TTI2: variants seen among roughly 807,000 people sequenced by gnomAD.
TTI2 encodes the protein TELO2 interacting protein 2, also known as TELO2-interacting protein 2.
In TTI2, 26 loss-of-function variants were observed where a neutral mutation model predicts 44.9. That is an observed-to-expected ratio of 0.58 (90% CI 0.42 to 0.80). The LOEUF (loss-of-function observed/expected upper bound fraction) is 0.80. Ranked by LOEUF, TTI2 falls within the 30% of genes least tolerant of loss-of-function variation. TTI2 has a pLI of 0.00. For synonymous variants in TTI2, 254 were observed against 250.9 expected (o/e 1.01, Z -0.12); for missense variants, 582 against 611.6 (o/e 0.95, Z 0.51).
At chr8:33,507,028 A>G (rs566031558) in intron 4 of TTI2, among the ~76,000 whole-genome samples, 1 of 152,304 alleles carries the variant, frequency 6.6e-6, no homozygotes, top group South Asian at 2.1e-4. Flanking sequence ...GATGAATAAA[A>G]AACACTGTCT....
At chr8:33,504,740 T>C (rs1346348821) in intron 4 of TTI2, among the ~76,000 whole-genome samples, 1 of 152,192 alleles carries the variant, frequency 6.6e-6, no homozygotes, top group Non-Finnish European at 1.5e-5. Flanking sequence ...CAAAGCCATC[T>C]TGGGATGCAT....
intron 3 of TTI2, 56 bp downstream of exon 3, chr8:33,509,690 C>T: frequency 6.6e-7 from 1 of 1,510,646 alleles, no homozygotes; most frequent in South Asian, 1.1e-5. Context: ...TGAAGAACAG[C>T]CAGGAATGAC....
At chr8:33,510,026 C>T (rs1809469755) in intron 2 of TTI2, 94 bp from the exon 3 acceptor site, 1 of 1,003,500 alleles carries the variant, frequency 1.0e-6, no homozygotes, top group Non-Finnish European at 1.5e-6. Context: ...AGAGTATTTT[C>T]ATGTCTTTGA....
At chr8:33,508,617 C>CAAAAAAAAAAAAAAAAAAAAAAAAAAA in intron 3 of TTI2, among the ~76,000 whole-genome samples, 1 of 63,978 alleles carries the variant, frequency 1.6e-5, no homozygotes, top group African/African-American at 6.2e-5. Flanking sequence ...GACTCTGCCT[C>CAAAAAAAAAAAAAAAAAAAAAAAAAAA]AAAAAAAAAA....
chr8:33,501,081 C>T (rs914287970), intron 6 of TTI2: 5 of 153,172 alleles, frequency 3.3e-5, no homozygotes, highest in Non-Finnish European at 1.5e-5. Context: ...CTAGTGACTG[C>T]ACAATATTGT....
intron 4 of TTI2, 102 bp downstream of exon 4, chr8:33,507,127 C>T (rs1809326414): frequency 9.4e-7 from 1 of 1,067,528 alleles, no homozygotes; most frequent in Non-Finnish European, 1.4e-6. Context: ...CCTCACTTTC[C>T]AAGGCAGGAA....
chr8:33,512,877 TAAAAAAAAA>T, intron 1 of TTI2, 165 bp from the exon 2 acceptor site: 1 of 91,350 alleles, frequency 1.1e-5, no homozygotes, highest in Non-Finnish European at 2.4e-5. Flanking sequence ...TCCGTCTCAG[TAAAAAAAAA>T]AAAAAAAAAA....
chr8:33,498,957 T>C lies in TTI2; in HGVS notation c.*216A>G, dbSNP rs935427488. 3.7e-5 allele frequency: 22 copies of C among 588,284 alleles called. No homozygotes were observed. The highest frequency in any genetic ancestry group is 6.3e-5 in the Non-Finnish European group (21 of 334,380). The allele number at this position is 588,284 out of a possible 1,614,324, so 36.4% of individuals were successfully genotyped here. On this transcript the variant is annotated 3_prime_UTR_variant, in exon 8 of 8. Coordinates refer to ENST00000431156, the MANE Select transcript of TTI2 (RefSeq NM_001102401.4). ...TTAAATGCTACATTACTTGGTGTCC[T>C]TTTTTCTCCCAAACTTTATTTAGAA...
rs866447579 is a variant in TTI2 at position 33,509,767 on chromosome 8, G to C, written c.813C>G (p.Leu271=). 9.3e-6 allele frequency: 15 copies of C among 1,614,082 alleles called. No homozygotes were observed. The Middle Eastern group carries it at 2.5e-3, about 266-fold the overall frequency. ...TTACCACATTAAGCACAATGTGATG[G>C]AGACAGTGTACACCCAGGATTTTGT... ...TENKILGVHC[L]HHIVLNVPAA... Residue 271 remains leucine, a synonymous_variant, in exon 3 of 8, where the codon CTC becomes CTG. Coordinates refer to ENST00000431156, the MANE Select transcript of TTI2 (RefSeq NM_001102401.4).
chr8:33,500,391 G>A lies in TTI2; in HGVS notation c.1359C>T (p.Ala453=), dbSNP rs1809025743. The change falls in exon 7 of 8, where the codon GCC becomes GCT. Residue 453 remains alanine, a synonymous_variant. Transcript: ENST00000431156. ...GGCAGTCTGTGGCCTCCTGTAGCAGGGCGCTCTTAACAGACTCAGGTGTAA... is the reference window on the plus strand; with the variant it reads ...GGCAGTCTGTGGCCTCCTGTAGCAGAGCGCTCTTAACAGACTCAGGTGTAA... ...PNLTPESVKS[A]LLQEATDCLI... 6.2e-7 allele frequency: 1 copy of A among 1,614,122 alleles called. No individual in the cohort carries two copies. The highest frequency in any genetic ancestry group is 1.3e-5 in the African/African-American group (1 of 75,014).
Position 33,499,702 on chromosome 8 carries a change from C to CT in TTI2, c.1423-426dup, listed in dbSNP as rs762860110. Reference sequence around the variant, plus strand: ...TCCTGCTGGGTAGATTGTCCAGTGACTTATGGCATGAATTTCTTTTCATGC... The same window carrying CT: ...TCCTGCTGGGTAGATTGTCCAGTGACTTTATGGCATGAATTTCTTTTCATGC... On this transcript the variant is annotated intron_variant, in intron 7 of 7. Transcript: ENST00000431156. 5.3e-5 allele frequency: 9 copies of CT among 169,246 alleles called. No individual in the cohort carries two copies. The South Asian group carries it at 5.6e-4, about 11-fold the overall frequency. The allele number at this position is 169,246 out of a possible 1,614,324, so 10.5% of individuals were successfully genotyped here.
chr8:33,506,548 C>T (rs1380614645), intron 4 of TTI2, among the ~76,000 whole-genome samples: 3 of 151,376 alleles, frequency 2.0e-5, no homozygotes, highest in South Asian at 2.1e-4. Flanking sequence ...CGTGCCACCA[C>T]GCCTGGCTAA....
chr8:33,499,891 T>C (rs1251150180), intron 7 of TTI2: 1 of 158,080 alleles, frequency 6.3e-6, no homozygotes, highest in Non-Finnish European at 1.4e-5. Context: ...AAATTAAGAA[T>C]AGGGAAAAAC....
Position 33,500,343 on chromosome 8 carries a change from A to G in TTI2, c.1407T>C (p.Ser469=). The change falls in exon 7 of 8, where the codon TCT becomes TCC. Residue 469 remains serine, a synonymous_variant. Coordinates refer to ENST00000431156, the MANE Select transcript of TTI2 (RefSeq NM_001102401.4). The stretch of plus-strand genomic sequence containing the variant: ...TCTGCCTTACCTTTACCCGTCCTTG[A>G]GAACAGCGGTCCAGGAGAATCAGGC... The part of the protein sequence containing the change: ...TDCLILLDRC[S]QGRVKGLLAK... The G allele has an allele frequency of 6.2e-7, 1 of 1,614,102 alleles. No individual in the cohort carries two copies. Among genetic ancestry groups the G allele is most frequent in the South Asian group, 1.1e-5 (1 of 91,078 alleles).
rs187717897 is a variant in TTI2, at chr8:33,500,625, C to T, written c.1260-135G>A. On this transcript the variant is annotated intron_variant, in intron 6 of 7. Transcript: ENST00000431156. ...TTAGGTCAAAGTTAAATGAAAAAGA[C>T]CTAAAAACAGAACCAAAGACAGCCT... is the stretch of plus-strand genomic sequence containing the variant. 980 of 1,105,926 alleles carry T rather than the reference C, an allele frequency of 8.9e-4. 1 individual carries two copies. Among genetic ancestry groups the T allele is most frequent in the Admixed American group, 3.1e-3 (116 of 37,122 alleles). 68.5% of individuals were successfully genotyped at this position (1,105,926 alleles called of 1,614,324 possible).
At chr8:33,511,327 G>A (rs1486803607) in intron 2 of TTI2, among the ~76,000 whole-genome samples, 1 of 152,028 alleles carries the variant, frequency 6.6e-6, no homozygotes, top group East Asian at 1.9e-4. Flanking sequence ...ACAGGAGTGA[G>A]CCACCTCGCC....
chr8:33,504,402 T>C (rs1225264569), intron 4 of TTI2, among the ~76,000 whole-genome samples: 1 of 142,338 alleles, frequency 7.0e-6, no homozygotes, highest in African/African-American at 2.6e-5. Context: ...GCTCAAGCGA[T>C]TCTCGTGCCT....
chr8:33,506,634 G>A (rs577360020), intron 4 of TTI2, among the ~76,000 whole-genome samples: 52 of 149,684 alleles, frequency 3.5e-4, no homozygotes, highest in African/African-American at 9.1e-4. Flanking sequence ...CTCGTGATCC[G>A]CCCGCCTCGG....
intron 6 of TTI2, chr8:33,501,405 C>T (rs571846851): frequency 1.3e-5 from 2 of 152,196 alleles, no homozygotes; most frequent in African/African-American, 4.8e-5. Flanking sequence ...CATACGCATA[C>T]ACACATATTC....
Sources: allele counts gnomAD v4.1 joint callset (sites outside exome capture counted in the v4.1 genomes callset), GRCh38; gene constraint gnomAD v4.1.1; transcripts MANE v1.5; gene names NCBI Gene and HGNC (gene_info 2026-07-23, HGNC 2026-07-21).